The following UNC5B variants were observed in gnomAD, a reference collection of about 807,000 sequenced individuals.
UNC5B encodes unc-5 netrin receptor B, also known as netrin receptor UNC5B.
Under a neutral mutation model 103.7 loss-of-function variants are expected in UNC5B, and 56 were observed. The ratio of observed to expected loss-of-function variants is 0.54; its 90% CI spans 0.44 to 0.67. The LOEUF (loss-of-function observed/expected upper bound fraction) is 0.67, where lower values mean the gene tolerates loss of function less well. UNC5B is among the 30% of genes least tolerant of loss of function. The pLI, the probability that UNC5B is intolerant of heterozygous loss-of-function variation, is 0.00. For missense variants in UNC5B, 1,194 were observed against 1,284.5 expected, an observed-to-expected ratio of 0.93 and a Z score of 1.08; for synonymous variants, 577 against 542.0, an observed-to-expected ratio of 1.06 and a Z score of -0.90.
intron 1 of UNC5B, among the ~76,000 whole-genome samples, chr10:71,264,069 C>T (rs945092334): frequency 6.6e-6 from 1 of 152,290 alleles, no homozygotes; most frequent in Admixed American, 6.5e-5. Flanking sequence ...AGGAAGCAGT[C>T]AGAATGGGCA....
At chr10:71,294,631 G>A (rs753913126) in intron 13 of UNC5B, among the ~76,000 whole-genome samples, 4 of 152,198 alleles carry the variant, frequency 2.6e-5, no homozygotes, top group South Asian at 2.1e-4. Flanking sequence ...GGACAGAACC[G>A]GTGACTGATG....
chr10:71,213,070 A>G lies in UNC5B; in HGVS notation c.79+6A>G. On this transcript the variant is annotated splice_donor_region_variant and intron_variant, in intron 1 of 16. Coordinates refer to ENST00000335350, the MANE Select transcript of UNC5B (RefSeq NM_170744.5). This position sits in a 1 kb window ranked among gnomAD's most constrained non-coding sequence, Gnocchi z 4.1. Reference sequence around the variant, plus strand: ...CCCGAGGCTGAGCCAAGCAGGTAGGAAGCGATCGGGTCTGGGGGCGCGGGG... The same window carrying G: ...CCCGAGGCTGAGCCAAGCAGGTAGGGAGCGATCGGGTCTGGGGGCGCGGGG... 1 of 1,372,514 alleles carries G rather than the reference A, an allele frequency of 7.3e-7. No homozygotes were observed. 85.0% of individuals were successfully genotyped at this position (1,372,514 alleles called of 1,614,324 possible). A position where few individuals can be genotyped will look rare whatever the true frequency, so the allele number is the denominator to read the frequency against.
At chr10:71,265,071 C>G (rs1238240088) in intron 1 of UNC5B, among the ~76,000 whole-genome samples, 1 of 151,808 alleles carries the variant, frequency 6.6e-6, no homozygotes, top group Non-Finnish European at 1.5e-5. Flanking sequence ...GTAACTTAAT[C>G]TCCCTGTGCC....
At chr10:71,289,265 G>C (rs994371636) in intron 8 of UNC5B, among the ~76,000 whole-genome samples, 1 of 152,246 alleles carries the variant, frequency 6.6e-6, no homozygotes, top group Non-Finnish European at 1.5e-5. Context: ...AAGGGACTTG[G>C]CCAGAGACAC....
At chr10:71,252,810 C>T (rs1049605991) in intron 1 of UNC5B, among the ~76,000 whole-genome samples, 3 of 152,158 alleles carry the variant, frequency 2.0e-5, no homozygotes, top group Admixed American at 2.0e-4. Flanking sequence ...AGAGAGCGGG[C>T]AGGGAGTGAC....
At chr10:71,290,569 C>A (rs1589198172) in intron 8 of UNC5B, among the ~76,000 whole-genome samples, 1 of 152,210 alleles carries the variant, frequency 6.6e-6, no homozygotes, top group Non-Finnish European at 1.5e-5. Flanking sequence ...GAGGTTTCAG[C>A]CCCAGCACTC....
At chr10:71,256,368 T>C (rs1844290752) in intron 1 of UNC5B, among the ~76,000 whole-genome samples, 1 of 152,056 alleles carries the variant, frequency 6.6e-6, no homozygotes, top group East Asian at 1.9e-4. Flanking sequence ...AGGAGAGCCA[T>C]GGTGATTTAT....
intron 9 of UNC5B, 82 bp downstream of exon 9, chr10:71,291,191 C>A (rs1295231800): frequency 1.3e-6 from 2 of 1,483,912 alleles, no homozygotes; most frequent in Non-Finnish European, 9.1e-7. Flanking sequence ...CAGAGCCAGG[C>A]TCCTGACTCC....
intron 13 of UNC5B, among the ~76,000 whole-genome samples, chr10:71,295,561 A>G (rs532203812): frequency 8.7e-4 from 133 of 152,128 alleles, no homozygotes; most frequent in Non-Finnish European, 1.7e-3. Flanking sequence ...TTATCCATCC[A>G]TCTGTCCATT....
Position 71,299,689 on chromosome 10 carries a change from TA to T in UNC5B, c.*414del. On this transcript the variant is annotated 3_prime_UTR_variant, in exon 17 of 17. Coordinates refer to ENST00000335350, the MANE Select transcript of UNC5B (RefSeq NM_170744.5). ...CCGTTATTGATTTCTCCTTTCTCCCTAAGCCCCCTTCTGCTTCCACGCCCTT... is the reference window on the plus strand; with the variant it reads ...CCGTTATTGATTTCTCCTTTCTCCCTAGCCCCCTTCTGCTTCCACGCCCTT... 5.7e-6 allele frequency: 1 copy of T among 174,824 alleles called. No individual in the cohort carries two copies. The highest frequency in any genetic ancestry group is 1.2e-5 in the Non-Finnish European group (1 of 81,950). The allele number at this position is 174,824 out of a possible 1,614,324, so 10.8% of individuals were successfully genotyped here. A position where few individuals can be genotyped will look rare whatever the true frequency, so the allele number is the denominator to read the frequency against.
intron 1 of UNC5B, among the ~76,000 whole-genome samples, chr10:71,246,598 G>A (rs926821754): frequency 6.6e-6 from 1 of 152,140 alleles, no homozygotes; most frequent in Non-Finnish European, 1.5e-5. Context: ...GGGAAGTGAG[G>A]GAGGGAGGGA....
chr10:71,299,485 C>A lies in UNC5B; in HGVS notation c.*208C>A. On this transcript the variant is annotated 3_prime_UTR_variant, in exon 17 of 17. Coordinates refer to ENST00000335350, the MANE Select transcript of UNC5B (RefSeq NM_170744.5). ...TGTTAGAGGGCCCAGAGTTCCTTCT[C>A]CACCCCCGCTCTCTCTCTCTTGGCC... 1.7e-6 allele frequency: 1 copy of A among 578,950 alleles called. No individual in the cohort carries two copies. Among genetic ancestry groups the A allele is most frequent in the East Asian group, 3.0e-5 (1 of 33,328 alleles). 35.9% of individuals were successfully genotyped at this position (578,950 alleles called of 1,614,324 possible). A position where few individuals can be genotyped will look rare whatever the true frequency, so the allele number is the denominator to read the frequency against.
chr10:71,247,755 A>G (rs1437286307), intron 1 of UNC5B, among the ~76,000 whole-genome samples: 1 of 152,200 alleles, frequency 6.6e-6, no homozygotes, highest in Non-Finnish European at 1.5e-5. Context: ...AAGAGAAACC[A>G]GGCAGTGAGT....
chr10:71,295,059 CTCCT>C (rs1247052828), intron 13 of UNC5B, among the ~76,000 whole-genome samples: 2 of 152,202 alleles, frequency 1.3e-5, no homozygotes, highest in Admixed American at 6.5e-5. Flanking sequence ...CCCCGTCCAG[CTCCT>C]TCATCTCCCA....
intron 1 of UNC5B, among the ~76,000 whole-genome samples, chr10:71,256,347 C>T (rs1410950602): frequency 6.6e-6 from 1 of 152,240 alleles, no homozygotes; most frequent in African/African-American, 2.4e-5. Flanking sequence ...AGGCCATTGG[C>T]AGCTGGGCTC....
rs115293099 is a variant in UNC5B, at chr10:71,213,960, C to T, written c.79+896C>T. On this transcript the variant is annotated intron_variant, in intron 1 of 16. Coordinates refer to ENST00000335350, the MANE Select transcript of UNC5B (RefSeq NM_170744.5). This position sits in a 1 kb window ranked among gnomAD's most constrained non-coding sequence, Gnocchi z 4.1. ...CCTCCTCTCTCGCCGTGGATGAATA[C>T]GTTTCTCGCTCGTCCTGTAGCTGGA... 6.4e-3 allele frequency among the ~76,000 whole-genome samples: 967 copies of T among 151,902 alleles called. 13 individuals carry two copies. The highest frequency in any genetic ancestry group is 0.022 in the African/African-American group (895 of 41,392).
intron 8 of UNC5B, 87 bp from the exon 9 acceptor site, chr10:71,290,828 C>T: frequency 6.8e-7 from 1 of 1,477,892 alleles, no homozygotes; most frequent in South Asian, 1.3e-5. Flanking sequence ...GGCCCTGGGC[C>T]CTGCCCTTTC....
At chr10:71,281,402 G>A (rs1299400092) in intron 2 of UNC5B, among the ~76,000 whole-genome samples, 3 of 151,384 alleles carry the variant, frequency 2.0e-5, no homozygotes, top group South Asian at 2.1e-4. Flanking sequence ...GTACAGTGGC[G>A]CAATCTCGGC....
At chr10:71,238,228 C>T (rs1016792516) in intron 1 of UNC5B, among the ~76,000 whole-genome samples, 2 of 152,108 alleles carry the variant, frequency 1.3e-5, no homozygotes, top group African/African-American at 2.4e-5. Flanking sequence ...AGGGGTTGCT[C>T]GAAGACCTCA....
Sources: gnomAD v4.1 joint callset for allele counts (sites outside exome capture counted in the v4.1 genomes callset) on GRCh38, gnomAD v4.1.1 for gene constraint, Gnocchi (gnomAD v3.1) non-coding constraint, MANE v1.5 for transcripts, NCBI Gene and HGNC (gene_info 2026-07-23, HGNC 2026-07-21) for gene names.